Variants in PTPRK observed in about 807,000 individuals in gnomAD.
The protein encoded by PTPRK is protein tyrosine phosphatase receptor type K.
Under a neutral mutation model 178.0 loss-of-function variants are expected in PTPRK, and 75 were observed. The observed-to-expected ratio is 0.42, with a 90% CI of 0.35 to 0.51. The LOEUF (loss-of-function observed/expected upper bound fraction) is 0.51. PTPRK is among the 20% of genes least tolerant of loss of function. The pLI, the probability that PTPRK is intolerant of heterozygous loss-of-function variation, is 0.02. For synonymous variants in PTPRK, 637 were observed against 620.6 expected, an observed-to-expected ratio of 1.03 and a Z score of -0.39; for missense variants, 1,441 against 1,797.8, an observed-to-expected ratio of 0.80 and a Z score of 3.59.
At chr6:127,973,604 T>C in intron 28 of PTPRK, 60 bp downstream of exon 28, 1 of 1,584,560 alleles carries the variant, frequency 6.3e-7, no homozygotes. Context: ...TCTTTAACAT[T>C]GAAAATGAGA....
Position 128,009,262 on chromosome 6 carries a change from G to T in PTPRK, c.2201C>A (p.Ala734Glu). Residue 734 changes from alanine (A) to glutamate (E), a missense_variant, in exon 14 of 30, where the codon GCA becomes GAA. By Grantham distance (107) the Ala-to-Glu change is moderately radical. This residue lies in a region of PTPRK where 945 missense variants were observed against 1,080.6 expected (regional missense o/e 0.87). Coordinates refer to ENST00000368226, the MANE Select transcript of PTPRK (RefSeq NM_002844.4). ...QCVRIATKAA[A>E]TEEPEVIPDP... Reference sequence around the variant, plus strand: ...TGGGATCACTTCTGGTTCTTCTGTTGCTGCTGCTAAATGGATAAAAAAAAA... The same window carrying T: ...TGGGATCACTTCTGGTTCTTCTGTTTCTGCTGCTAAATGGATAAAAAAAAA... 6.2e-7 allele frequency: 1 copy of T among 1,603,020 alleles called. No individual in the cohort carries two copies. Among genetic ancestry groups the T allele is most frequent in the Non-Finnish European group, 8.5e-7 (1 of 1,174,134 alleles).
In PTPRK at chr6:128,044,645, C is replaced by T. The variant is rs1056055833; in HGVS notation, c.2194+20113G>A. 1.2e-4 allele frequency among the ~76,000 whole-genome samples: 5 copies of T among 41,486 alleles called. No homozygotes were observed. The Admixed American group carries it at 1.4e-3, about 12-fold the overall frequency. The allele number at this position is 41,486 out of a possible 152,430, so 27.2% of individuals were successfully genotyped here. On this transcript the variant is annotated intron_variant, in intron 13 of 29. Transcript: ENST00000368226. ...CTCTTCTGGCAACTTATAAGACAGG[C>T]TAATTTTTTTTTTTCCATTTAAGTC...
intron 1 of PTPRK, among the ~76,000 whole-genome samples, chr6:128,475,270 T>G (rs916699236): frequency 3.9e-5 from 6 of 152,076 alleles, no homozygotes; most frequent in African/African-American, 1.4e-4. Context: ...TATAATATTT[T>G]TAAAGAGTGA....
chr6:128,332,898 G>T (rs1254739617), intron 2 of PTPRK, among the ~76,000 whole-genome samples: 1 of 152,082 alleles, frequency 6.6e-6, no homozygotes, highest in Non-Finnish European at 1.5e-5. Context: ...CAATTTCAAA[G>T]GACTCATTGA....
intron 1 of PTPRK, among the ~76,000 whole-genome samples, chr6:128,460,501 T>TACCACTGTACTCCA (rs1848922335): frequency 6.6e-6 from 1 of 151,872 alleles, no homozygotes; most frequent in South Asian, 2.1e-4. Flanking sequence ...GCTGTAATCA[T>TACCACTGTACTCCA]ACCACTGTAC....
chr6:128,179,728 A>G (rs1801621647), intron 7 of PTPRK, among the ~76,000 whole-genome samples: 1 of 151,966 alleles, frequency 6.6e-6, no homozygotes, highest in Admixed American at 6.6e-5. Flanking sequence ...GTGATTGATA[A>G]CTATCTTAAA....
intron 6 of PTPRK, among the ~76,000 whole-genome samples, chr6:128,185,030 T>C (rs931959539): frequency 1.3e-5 from 2 of 152,158 alleles, no homozygotes; most frequent in African/African-American, 4.8e-5. Context: ...TATGGATAGC[T>C]CTAATTAGCT....
chr6:128,517,098 G>A (rs897140954), intron 1 of PTPRK, among the ~76,000 whole-genome samples: 1 of 151,354 alleles, frequency 6.6e-6, no homozygotes, highest in Non-Finnish European at 1.5e-5. Flanking sequence ...ACACACACGT[G>A]CGCACACACA....
intron 13 of PTPRK, among the ~76,000 whole-genome samples, chr6:128,036,332 C>T (rs117047876): frequency 0.011 from 1,674 of 152,164 alleles, 16 homozygotes; most frequent in South Asian, 0.025. Flanking sequence ...TATGGATAAC[C>T]AAATTGTAAG....
chr6:128,096,539 T>C (rs925717152), intron 7 of PTPRK, among the ~76,000 whole-genome samples: 4 of 152,148 alleles, frequency 2.6e-5, no homozygotes, highest in Admixed American at 1.3e-4. Context: ...CATATTTCCC[T>C]AGAATCAGTT....
chr6:128,454,424 C>T (rs1848156065), intron 1 of PTPRK, among the ~76,000 whole-genome samples: 1 of 152,170 alleles, frequency 6.6e-6, no homozygotes, highest in African/African-American at 2.4e-5. Context: ...AGGCTTTAGG[C>T]CAGGCTAATG....
chr6:128,317,326 T>C (rs1828143687), intron 3 of PTPRK, among the ~76,000 whole-genome samples: 1 of 152,198 alleles, frequency 6.6e-6, no homozygotes, highest in Admixed American at 6.5e-5. Flanking sequence ...TCCAGCCTAG[T>C]ATCCCACTCA....
chr6:128,329,617 G>A (rs1473169220), intron 2 of PTPRK, among the ~76,000 whole-genome samples: 1 of 152,088 alleles, frequency 6.6e-6, no homozygotes, highest in Admixed American at 6.6e-5. Context: ...AAGTCCAAAG[G>A]CAGGAGACTG....
intron 3 of PTPRK, among the ~76,000 whole-genome samples, chr6:128,260,896 A>G (rs1818079773): frequency 1.3e-5 from 2 of 152,212 alleles, no homozygotes; most frequent in Non-Finnish European, 2.9e-5. Flanking sequence ...TTAATGATAT[A>G]GTTGTCCTCT....
intron 7 of PTPRK, among the ~76,000 whole-genome samples, chr6:128,109,365 A>G (rs572170290): frequency 1.3e-5 from 2 of 152,228 alleles, no homozygotes; most frequent in East Asian, 1.9e-4. Flanking sequence ...TATCTACCTT[A>G]TTTTTAAGTT....
Position 128,067,764 on chromosome 6 carries a change from G to T in PTPRK, c.1912C>A (p.His638Asn). 1 of 1,608,570 alleles carries T rather than the reference G, an allele frequency of 6.2e-7. No individual in the cohort carries two copies. Among genetic ancestry groups the T allele is most frequent in the Non-Finnish European group, 8.5e-7 (1 of 1,176,962 alleles). ...SAYQIVVEEL[H>N]PHRTKREAGA... ...GCTTCTCTCTTGGTTCGGTGTGGGT[G>T]CAGTTCTTCCACAACAATCTGATAA... Residue 638 changes from histidine (H) to asparagine (N), a missense_variant, in exon 12 of 30, where the codon CAC (histidine) becomes AAC (asparagine). His to Asn is a moderately conservative substitution (Grantham distance 68, BLOSUM62 1). This residue lies in a region of PTPRK where 945 missense variants were observed against 1,080.6 expected (regional missense o/e 0.87). Transcript: ENST00000368226.
chr6:128,179,742 T>G (rs912035910), intron 7 of PTPRK, among the ~76,000 whole-genome samples: 1 of 151,920 alleles, frequency 6.6e-6, no homozygotes, highest in Admixed American at 6.6e-5. Flanking sequence ...TCTTAAACCA[T>G]AGCAAAAATC....
At chr6:128,272,352 A>G (rs1378233640) in intron 3 of PTPRK, among the ~76,000 whole-genome samples, 1 of 152,230 alleles carries the variant, frequency 6.6e-6, no homozygotes, top group Non-Finnish European at 1.5e-5. Flanking sequence ...GCCAAAACTG[A>G]CAAATGGGAT....
intron 1 of PTPRK, among the ~76,000 whole-genome samples, chr6:128,430,841 C>T (rs988924663): frequency 1.3e-5 from 2 of 152,072 alleles, no homozygotes; most frequent in African/African-American, 2.4e-5. Flanking sequence ...AACCTGGAGA[C>T]GTGAACATAC....
Sources: allele counts gnomAD v4.1 joint callset (sites outside exome capture counted in the v4.1 genomes callset), GRCh38; gene constraint gnomAD v4.1.1; regional missense constraint gnomAD v4.1.1; transcripts MANE v1.5; gene names NCBI Gene and HGNC (gene_info 2026-07-23, HGNC 2026-07-21).